KCNQ1: variants seen among roughly 807,000 people sequenced by gnomAD.
KCNQ1 encodes potassium voltage-gated channel subfamily KQT member 1.
In KCNQ1, 49 loss-of-function variants were observed where a neutral mutation model predicts 72.4. The observed-to-expected ratio is 0.68, with a 90% CI of 0.54 to 0.86. KCNQ1 has a LOEUF of 0.86. Ranked by LOEUF, KCNQ1 falls within the 40% of genes least tolerant of loss-of-function variation. KCNQ1 has a pLI of 0.00. For missense variants in KCNQ1, 790 were observed against 945.1 expected, an observed-to-expected ratio of 0.84 and a Z score of 2.15; for synonymous variants, 450 against 412.6, an observed-to-expected ratio of 1.09 and a Z score of -1.10.
chr11:2,751,610 G>C (rs761497880), intron 11 of KCNQ1, among the ~76,000 whole-genome samples: 2 of 152,278 alleles, frequency 1.3e-5, no homozygotes, highest in African/African-American at 4.8e-5. Flanking sequence ...TTTCAAACGG[G>C]GCGGCGACCC....
rs1361074715 is a variant in KCNQ1 at position 2,663,674 on chromosome 11, A to G, written c.1514+1593A>G. ...AGGAGAGGGCCATCACCCACAGTCCATCTAGCTGGGCAGCCAGGCCTTACC... is the reference window on the plus strand; with the variant it reads ...AGGAGAGGGCCATCACCCACAGTCCGTCTAGCTGGGCAGCCAGGCCTTACC... On this transcript the variant is annotated intron_variant, in intron 11 of 15. Coordinates refer to ENST00000155840, the MANE Select transcript of KCNQ1 (RefSeq NM_000218.3). This position sits in a 1 kb window ranked among gnomAD's most constrained non-coding sequence, Gnocchi z 5.2. 2 of 398,586 alleles carry G rather than the reference A, an allele frequency of 5.0e-6. No individual in the cohort carries two copies. Among genetic ancestry groups the G allele is most frequent in the East Asian group, 3.6e-5 (1 of 28,084 alleles). The allele number at this position is 398,586 out of a possible 1,614,324, so 24.7% of individuals were successfully genotyped here.
Position 2,559,700 on chromosome 11 carries a change from C to T in KCNQ1, c.478-10928C>T, listed in dbSNP as rs1433322657. On this transcript the variant is annotated intron_variant, in intron 2 of 15. Transcript: ENST00000155840. This position sits in a 1 kb window ranked among gnomAD's most constrained non-coding sequence, Gnocchi z 4.9. ...CTGGAGGGAAAGCGGCCTCGTGCCT[C>T]CCAGAGTCACCCCGAAATCATTAAC... Among the ~76,000 whole-genome samples, 1 of 152,164 alleles carries T rather than the reference C, an allele frequency of 6.6e-6. No homozygotes were observed. The highest frequency in any genetic ancestry group is 1.5e-5 in the Non-Finnish European group (1 of 68,040).
At chr11:2,730,854 A>AG (rs1845847445) in intron 11 of KCNQ1, among the ~76,000 whole-genome samples, 1 of 152,182 alleles carries the variant, frequency 6.6e-6, no homozygotes, top group East Asian at 1.9e-4. Flanking sequence ...TTTTGGTGGC[A>AG]GGCCTCTGTG....
rs191050425 is a variant in KCNQ1 at position 2,691,907 on chromosome 11, C to T, written c.1514+29826C>T. 15 of 398,814 alleles carry T rather than the reference C, an allele frequency of 3.8e-5. No individual in the cohort carries two copies. The Middle Eastern group carries it at 1.9e-3, about 50-fold the overall frequency. The allele number at this position is 398,814 out of a possible 1,614,324, so 24.7% of individuals were successfully genotyped here. On this transcript the variant is annotated intron_variant, in intron 11 of 15. Transcript: ENST00000155840. This position sits in a 1 kb window ranked among gnomAD's most constrained non-coding sequence, Gnocchi z 6.4. ...TTTCTTGCCATCTTTCTGGCTCTAT[C>T]CTCAGTCTCCTTGGCAGGTTTTCCC...
In KCNQ1 at chr11:2,457,022, A is replaced by G. The variant is rs983467037; in HGVS notation, c.386+11538A>G. Among the ~76,000 whole-genome samples, 2 of 152,148 alleles carry G rather than the reference A, an allele frequency of 1.3e-5. No individual in the cohort carries two copies. Among genetic ancestry groups the G allele is most frequent in the Non-Finnish European group, 2.9e-5 (2 of 68,036 alleles). On this transcript the variant is annotated intron_variant, in intron 1 of 15. Transcript: ENST00000155840. This position sits in a 1 kb window ranked among gnomAD's most constrained non-coding sequence, Gnocchi z 5.0. ...GGTAGACAGTTCTTAAAAAGAAGACATACAAACAGTCAAACACATGAAAAA... is the reference window on the plus strand; with the variant it reads ...GGTAGACAGTTCTTAAAAAGAAGACGTACAAACAGTCAAACACATGAAAAA...
intron 2 of KCNQ1, among the ~76,000 whole-genome samples, chr11:2,533,177 G>A (rs1050391510): frequency 1.3e-5 from 2 of 152,218 alleles, no homozygotes; most frequent in Non-Finnish European, 2.9e-5. Context: ...GTTTCTTTTC[G>A]TACGCCCAGC....
rs1403984826 is a variant in KCNQ1 at position 2,463,782 on chromosome 11, G to T, written c.386+18298G>T. Among the ~76,000 whole-genome samples the T allele has an allele frequency of 6.6e-6, 1 of 152,244 alleles. No homozygotes were observed. The highest frequency in any genetic ancestry group is 2.1e-4 in the South Asian group (1 of 4,836). Reference sequence around the variant, plus strand: ...TCTGCTCCTCACAAGACATTGCCCTGCGAGGGGGTCAGCCCTGAAGCCGGA... The same window carrying T: ...TCTGCTCCTCACAAGACATTGCCCTTCGAGGGGGTCAGCCCTGAAGCCGGA... On this transcript the variant is annotated intron_variant, in intron 1 of 15. Coordinates refer to ENST00000155840, the MANE Select transcript of KCNQ1 (RefSeq NM_000218.3). The surrounding 1 kb of genome is among the most constrained non-coding windows in gnomAD (Gnocchi z 7.0).
chr11:2,819,470 G>A (rs967116917), intron 15 of KCNQ1, among the ~76,000 whole-genome samples: 5 of 152,216 alleles, frequency 3.3e-5, no homozygotes, highest in Admixed American at 6.5e-5. Context: ...ACCAGGTGCC[G>A]AGAGCCTTCC....
In KCNQ1 at chr11:2,541,333, T is replaced by C. The variant is rs549089507; in HGVS notation, c.477+13315T>C. On this transcript the variant is annotated intron_variant, in intron 2 of 15. Transcript: ENST00000155840. This position sits in a 1 kb window ranked among gnomAD's most constrained non-coding sequence, Gnocchi z 4.8. ...AATGATGCGTGCATTCAGAGCAGCA[T>C]TTGGTGGGGAACCTGGGGGAAGGGC... 6.6e-6 allele frequency among the ~76,000 whole-genome samples: 1 copy of C among 152,282 alleles called. No individual in the cohort carries two copies. The highest frequency in any genetic ancestry group is 2.1e-4 in the South Asian group (1 of 4,816).
At chr11:2,574,622 G>A (rs916410590) in intron 6 of KCNQ1, among the ~76,000 whole-genome samples, 5 of 152,176 alleles carry the variant, frequency 3.3e-5, no homozygotes, top group Non-Finnish European at 5.9e-5. Flanking sequence ...GAAGCCTCCC[G>A]GTGGCTCCCC....
In KCNQ1 at chr11:2,659,071, G is replaced by A. The variant is rs1849903290; in HGVS notation, c.1394-2890G>A. 1 of 398,386 alleles carries A rather than the reference G, an allele frequency of 2.5e-6. No individual in the cohort carries two copies. Among genetic ancestry groups the A allele is most frequent in the Non-Finnish European group, 4.4e-6 (1 of 226,038 alleles). 24.7% of individuals were successfully genotyped at this position (398,386 alleles called of 1,614,324 possible). A position where few individuals can be genotyped will look rare whatever the true frequency, so the allele number is the denominator to read the frequency against. ...ATTTGTTTGTAACACGCTCATCATA[G>A]TCTGCTTTTCATCGTAGGGTCCTCC... On this transcript the variant is annotated intron_variant, in intron 10 of 15. Coordinates refer to ENST00000155840, the MANE Select transcript of KCNQ1 (RefSeq NM_000218.3). This position sits in a 1 kb window ranked among gnomAD's most constrained non-coding sequence, Gnocchi z 4.3.
rs12289730 is a variant in KCNQ1, at chr11:2,507,753, G to T, written c.387-20175G>T. 6.6e-6 allele frequency among the ~76,000 whole-genome samples: 1 copy of T among 152,054 alleles called. No individual in the cohort carries two copies. Among genetic ancestry groups the T allele is most frequent in the East Asian group, 1.9e-4 (1 of 5,166 alleles). ...AGTGTGTAAATGACATGAGCGCAGG[G>T]GCTAGACAGGGCCTCCTGTAGCCTG... On this transcript the variant is annotated intron_variant, in intron 1 of 15. Coordinates refer to ENST00000155840, the MANE Select transcript of KCNQ1 (RefSeq NM_000218.3). The surrounding 1 kb of genome is among the most constrained non-coding windows in gnomAD (Gnocchi z 5.4).
intron 1 of KCNQ1, among the ~76,000 whole-genome samples, chr11:2,517,264 C>T (rs912015837): frequency 3.9e-5 from 6 of 152,178 alleles, no homozygotes; most frequent in Non-Finnish European, 8.8e-5. Flanking sequence ...CACCTGTCAC[C>T]TCTTGGTGCG....
In KCNQ1 at chr11:2,600,877, T is replaced by C. The variant is rs377350121; in HGVS notation, c.1393+12023T>C. ...ATGTTTCCTCAGGTTAGATCCACGTTGTGTACTCTGTAAGTGACCTGATGT... is the reference window on the plus strand; with the variant it reads ...ATGTTTCCTCAGGTTAGATCCACGTCGTGTACTCTGTAAGTGACCTGATGT... On this transcript the variant is annotated intron_variant, in intron 10 of 15. Coordinates refer to ENST00000155840, the MANE Select transcript of KCNQ1 (RefSeq NM_000218.3). The surrounding 1 kb of genome is among the most constrained non-coding windows in gnomAD (Gnocchi z 5.6). 6.6e-6 allele frequency among the ~76,000 whole-genome samples: 1 copy of C among 152,220 alleles called. No homozygotes were observed. The highest frequency in any genetic ancestry group is 1.9e-4 in the East Asian group (1 of 5,198).
intron 6 of KCNQ1, among the ~76,000 whole-genome samples, chr11:2,576,122 C>T (rs538007737): frequency 2.0e-5 from 3 of 152,320 alleles, no homozygotes; most frequent in South Asian, 2.1e-4. Context: ...TTCCAAATAT[C>T]GCATTCTGTG....
rs1290991770 is a variant in KCNQ1, at chr11:2,626,513, T to A, written c.1394-35448T>A. 2 of 398,532 alleles carry A rather than the reference T, an allele frequency of 5.0e-6. No individual in the cohort carries two copies. Among genetic ancestry groups the A allele is most frequent in the African/African-American group, 4.1e-5 (2 of 48,620 alleles). The allele number at this position is 398,532 out of a possible 1,614,324, so 24.7% of individuals were successfully genotyped here. A position where few individuals can be genotyped will look rare whatever the true frequency, so the allele number is the denominator to read the frequency against. On this transcript the variant is annotated intron_variant, in intron 10 of 15. Coordinates refer to ENST00000155840, the MANE Select transcript of KCNQ1 (RefSeq NM_000218.3). This position sits in a 1 kb window ranked among gnomAD's most constrained non-coding sequence, Gnocchi z 4.0. The stretch of plus-strand genomic sequence containing the variant: ...CAATACCACATAGTTTTGATTACTG[T>A]AGCTTCGTAATAAGTTGGGGTTTTT...
chr11:2,496,147 A>G (rs1264779506), intron 1 of KCNQ1, among the ~76,000 whole-genome samples: 2 of 152,124 alleles, frequency 1.3e-5, no homozygotes, highest in African/African-American at 4.8e-5. Context: ...ATCAAAGGCT[A>G]GGATCTTGGC....
chr11:2,716,175 C>G (rs1295482910), intron 11 of KCNQ1, among the ~76,000 whole-genome samples: 9 of 152,178 alleles, frequency 5.9e-5, no homozygotes. Context: ...CAATTTTTCA[C>G]TTTTGGAGGG....
rs187314989 is a variant in KCNQ1, at chr11:2,818,854, T to C, written c.1795-28913T>C. On this transcript the variant is annotated intron_variant, in intron 15 of 15. Coordinates refer to ENST00000155840, the MANE Select transcript of KCNQ1 (RefSeq NM_000218.3). The surrounding 1 kb of genome is among the most constrained non-coding windows in gnomAD (Gnocchi z 7.2). ...GGAGACAGCTCAGCTTAGCTGCTCTTCCCCCAACCCCCAGGCCCAGCAGAA... is the reference window on the plus strand; with the variant it reads ...GGAGACAGCTCAGCTTAGCTGCTCTCCCCCCAACCCCCAGGCCCAGCAGAA... Among the ~76,000 whole-genome samples, 230 of 151,964 alleles carry C rather than the reference T, an allele frequency of 1.5e-3. 1 individual carries two copies. The highest frequency in any genetic ancestry group is 5.4e-3 in the African/African-American group (223 of 41,418).
Sources: allele counts gnomAD v4.1 joint callset (sites outside exome capture counted in the v4.1 genomes callset), GRCh38; gene constraint gnomAD v4.1.1; non-coding constraint Gnocchi (gnomAD v3.1); transcripts MANE v1.5; gene names NCBI Gene and HGNC (gene_info 2026-07-23, HGNC 2026-07-21).